Variants in PLEKHA6 observed in about 807,000 individuals in gnomAD.
PLEKHA6 encodes pleckstrin homology domain-containing family A member 6.
In PLEKHA6, 60 loss-of-function variants were observed where a neutral mutation model predicts 116.7. The ratio of observed to expected loss-of-function variants is 0.51; its 90% CI spans 0.42 to 0.64. The LOEUF (loss-of-function observed/expected upper bound fraction) is 0.64. Among genes scored for constraint, PLEKHA6 ranks in the 30% least tolerant of loss-of-function variants. The pLI is 0.00. For synonymous variants in PLEKHA6, 489 were observed against 556.1 expected (o/e 0.88, Z 1.70); for missense variants, 1,338 against 1,422.7 (o/e 0.94, Z 0.96).
At chr1:204,275,378 AG>A (rs1418322308) in intron 1 of PLEKHA6, among the ~76,000 whole-genome samples, 1 of 152,116 alleles carries the variant, frequency 6.6e-6, no homozygotes, top group African/African-American at 2.4e-5. Context: ...CTCCTGTCTA[AG>A]GGCTGTTTGA....
At chr1:204,300,722 C>G (rs887675929) in intron 1 of PLEKHA6, among the ~76,000 whole-genome samples, 2 of 152,234 alleles carry the variant, frequency 1.3e-5, no homozygotes, top group African/African-American at 4.8e-5. Flanking sequence ...GCTCTGCAGG[C>G]AGACAGACCT....
Position 204,257,022 on chromosome 1 carries a change from C to T in PLEKHA6, c.1524+331G>A. 3.4e-6 allele frequency: 2 copies of T among 585,636 alleles called. No homozygotes were observed. Among genetic ancestry groups the T allele is most frequent in the South Asian group, 4.3e-5 (2 of 46,038 alleles). The allele number at this position is 585,636 out of a possible 1,614,324, so 36.3% of individuals were successfully genotyped here. Reference sequence around the variant, plus strand: ...CCCAAACTGAAATGGACAGCAGCCCCCCTTGCAATGATCTGTCCAGGTCCT... The same window carrying T: ...CCCAAACTGAAATGGACAGCAGCCCTCCTTGCAATGATCTGTCCAGGTCCT... On this transcript the variant is annotated intron_variant, in intron 9 of 22. Coordinates refer to ENST00000272203, the MANE Select transcript of PLEKHA6 (RefSeq NM_014935.5). The surrounding 1 kb of genome is among the most constrained non-coding windows in gnomAD (Gnocchi z 6.5).
rs12085276 is a variant in PLEKHA6, at chr1:204,256,947, C to T, written c.1524+406G>A. The T allele has an allele frequency of 6.7e-3, 3,952 of 587,062 alleles. 122 individuals are homozygous for T. Among genetic ancestry groups the T allele is most frequent in the African/African-American group, 0.064 (3,389 of 53,316 alleles). 36.4% of individuals were successfully genotyped at this position (587,062 alleles called of 1,614,324 possible). On this transcript the variant is annotated intron_variant, in intron 9 of 22. Transcript: ENST00000272203. ...CTGGCTGGGACACGGAGTTCCCCAA[C>T]AGCTGAAGCTCAAGGTTAGAGGTAT...
chr1:204,244,426 C>T (rs1663345363), intron 15 of PLEKHA6, among the ~76,000 whole-genome samples: 2 of 152,052 alleles, frequency 1.3e-5, no homozygotes, highest in African/African-American at 4.8e-5. Flanking sequence ...CACGATTACG[C>T]ACCCTGCCAC....
chr1:204,366,617 C>T (rs890627335), intron 3 of PLEKHA6, among the ~76,000 whole-genome samples: 1 of 152,034 alleles, frequency 6.6e-6, no homozygotes, highest in Non-Finnish European at 1.5e-5. Context: ...AAAAATTAGC[C>T]AGGCATGGTG....
chr1:204,324,703 C>T lies in PLEKHA6; in HGVS notation c.-95+34991G>A, dbSNP rs575258322. On this transcript the variant is annotated intron_variant, in intron 1 of 22. Transcript: ENST00000272203. ...TGTCTAAAGGTGCTGAATTGGAAGT[C>T]GATTAGGATCCTGGTGTTTTTATCT... Among the ~76,000 whole-genome samples the T allele has an allele frequency of 9.6e-4, 146 of 152,236 alleles. 1 individual carries two copies. Among genetic ancestry groups the T allele is most frequent in the African/African-American group, 3.5e-3 (144 of 41,522 alleles).
intron 1 of PLEKHA6, among the ~76,000 whole-genome samples, chr1:204,299,261 G>C (rs148357984): frequency 6.6e-6 from 1 of 152,332 alleles, no homozygotes; most frequent in East Asian, 1.9e-4. Context: ...CAAACAGGAG[G>C]AAGAAGGGAA....
chr1:204,345,383 G>C (rs1673001880), intron 1 of PLEKHA6, among the ~76,000 whole-genome samples: 1 of 152,098 alleles, frequency 6.6e-6, no homozygotes, highest in Non-Finnish European at 1.5e-5. Flanking sequence ...GAAGGTGCCT[G>C]AGCTTCCCCT....
chr1:204,253,742 G>A (rs1664876185), intron 9 of PLEKHA6, among the ~76,000 whole-genome samples: 1 of 151,710 alleles, frequency 6.6e-6, no homozygotes, highest in South Asian at 2.1e-4. Flanking sequence ...GCTGAGGTGG[G>A]AGGATCACTT....
At chr1:204,344,508 G>A (rs1672959759) in intron 1 of PLEKHA6, among the ~76,000 whole-genome samples, 2 of 151,270 alleles carry the variant, frequency 1.3e-5, no homozygotes, top group South Asian at 4.2e-4. Context: ...GCTGAGGCAG[G>A]AGAATTGCTT....
At position 204,309,740 on chromosome 1, in the gene PLEKHA6, C is replaced by T. The variant is rs1206664517; in HGVS notation, c.-94-34931G>A. ...ATAGTATCAATTTAGTATGATGCTT[C>T]TTGGACTAAGAAATAATTTATGTTA... On this transcript the variant is annotated intron_variant, in intron 1 of 22. Coordinates refer to ENST00000272203, the MANE Select transcript of PLEKHA6 (RefSeq NM_014935.5). The T allele has an allele frequency of 1.4e-5, 13 of 916,714 alleles. No homozygotes were observed. The South Asian group carries it at 6.6e-4, about 46-fold the overall frequency. The allele number at this position is 916,714 out of a possible 1,614,324, so 56.8% of individuals were successfully genotyped here. A position where few individuals can be genotyped will look rare whatever the true frequency, so the allele number is the denominator to read the frequency against.
intron 1 of PLEKHA6, among the ~76,000 whole-genome samples, chr1:204,289,416 C>T (rs1023560683): frequency 4.2e-4 from 64 of 152,204 alleles, no homozygotes; most frequent in African/African-American, 1.4e-3. Context: ...CTGGCACCTC[C>T]TCCTTATCAC....
chr1:204,257,757 T>C lies in PLEKHA6; in HGVS notation c.1120A>G (p.Ile374Val), dbSNP rs906630146. The change falls in exon 9 of 23, where the codon ATC becomes GTC. Residue 374 changes from isoleucine (I) to valine (V), a missense_variant. This residue lies in a region of PLEKHA6 where 1,136 missense variants were observed against 1,163.6 expected (regional missense o/e 0.98). Transcript: ENST00000272203. This position sits in a 1 kb window ranked among gnomAD's most constrained non-coding sequence, Gnocchi z 6.5. Reference sequence around the variant, plus strand: ...CGATCATAGGCCGGCATGGAACAGATGCTCTCCGGCCGCACTCCTGGCGGG... The same window carrying C: ...CGATCATAGGCCGGCATGGAACAGACGCTCTCCGGCCGCACTCCTGGCGGG... ...YYPPGVRPES[I>V]CSMPAYDRIS... 1.9e-6 allele frequency: 3 copies of C among 1,613,688 alleles called. No individual in the cohort carries two copies. Among genetic ancestry groups the C allele is most frequent in the Non-Finnish European group, 2.5e-6 (3 of 1,179,902 alleles).
rs1413300273 is a variant in PLEKHA6 at position 204,261,467 on chromosome 1, T to G, written c.382-19A>C. On this transcript the variant is annotated intron_variant, in intron 6 of 22. Coordinates refer to ENST00000272203, the MANE Select transcript of PLEKHA6 (RefSeq NM_014935.5). This position sits in a 1 kb window ranked among gnomAD's most constrained non-coding sequence, Gnocchi z 4.0. ...GCTCAGCCTGTGGGGAGAGGCAGCG[T>G]GTGGAGCTGGCCTCGGCCTCATCCA... 1.3e-6 allele frequency: 2 copies of G among 1,594,524 alleles called. No individual in the cohort carries two copies.
intron 9 of PLEKHA6, among the ~76,000 whole-genome samples, chr1:204,252,240 A>G (rs1664669617): frequency 6.6e-6 from 1 of 150,816 alleles, no homozygotes; most frequent in Non-Finnish European, 1.5e-5. Context: ...AAGGGACACC[A>G]GGCTTTCCAA....
chr1:204,297,573 G>C (rs1670401667), intron 1 of PLEKHA6, among the ~76,000 whole-genome samples: 1 of 150,538 alleles, frequency 6.6e-6, no homozygotes, highest in Admixed American at 6.6e-5. Context: ...CTTTGGACAA[G>C]TTATTCAATC....
chr1:204,233,264 T>C (rs1409533780), intron 17 of PLEKHA6, among the ~76,000 whole-genome samples: 1 of 147,188 alleles, frequency 6.8e-6, no homozygotes, highest in Non-Finnish European at 1.5e-5. Flanking sequence ...AGCCTCCACC[T>C]CCAGGGCTCA....
intron 1 of PLEKHA6, among the ~76,000 whole-genome samples, chr1:204,375,522 T>C (rs1673852907): frequency 6.6e-6 from 1 of 152,142 alleles, no homozygotes; most frequent in African/African-American, 2.4e-5. Flanking sequence ...ATTCTCACCA[T>C]TTTAATTCGG....
intron 2 of PLEKHA6, 88 bp from the exon 3 acceptor site, chr1:204,273,828 ACT>A: frequency 1.1e-6 from 1 of 882,828 alleles, no homozygotes; most frequent in East Asian, 2.6e-5. Flanking sequence ...CCTGCCACCC[ACT>A]GTTTCAGCAT....
Sources: allele counts gnomAD v4.1 joint callset (sites outside exome capture counted in the v4.1 genomes callset), GRCh38; gene constraint gnomAD v4.1.1; regional missense constraint gnomAD v4.1.1; non-coding constraint Gnocchi (gnomAD v3.1); transcripts MANE v1.5; gene names NCBI Gene and HGNC (gene_info 2026-07-23, HGNC 2026-07-21).